NRXN3: variants seen among roughly 807,000 people sequenced by gnomAD.
NRXN3 encodes the protein neurexin 3.
In NRXN3, 32 loss-of-function variants were observed where a neutral mutation model predicts 137.6. That is an observed-to-expected ratio of 0.23 (90% CI 0.18 to 0.31). The LOEUF (loss-of-function observed/expected upper bound fraction) is 0.31. NRXN3 is among the 10% of genes least tolerant of loss of function. The pLI is 1.00. For synonymous variants in NRXN3, 798 were observed against 784.5 expected (o/e 1.02, Z -0.29); for missense variants, 1,574 against 2,062.5 (o/e 0.76, Z 4.59).
At chr14:78,469,755 T>C (rs1439842224) in intron 4 of NRXN3, among the ~76,000 whole-genome samples, 1 of 152,220 alleles carries the variant, frequency 6.6e-6, no homozygotes, top group Non-Finnish European at 1.5e-5. Flanking sequence ...GTTGTCCCAT[T>C]CAAACCGAGC....
At chr14:79,771,167 T>A (rs989950048) in intron 19 of NRXN3, among the ~76,000 whole-genome samples, 3 of 152,122 alleles carry the variant, frequency 2.0e-5, no homozygotes, top group African/African-American at 7.2e-5. Context: ...CAGGACCAGA[T>A]GGATTCACAG....
chr14:79,293,836 A>G lies in NRXN3; in HGVS notation c.3263-173385A>G, dbSNP rs537841351. Among the ~76,000 whole-genome samples the G allele has an allele frequency of 4.6e-5, 7 of 152,374 alleles. No individual in the cohort carries two copies. In the East Asian group the frequency reaches 7.7e-4, roughly 17 times the overall value. On this transcript the variant is annotated intron_variant, in intron 15 of 20. Coordinates refer to ENST00000335750, the MANE Select transcript of NRXN3 (RefSeq NM_001330195.2). Reference sequence around the variant, plus strand: ...GGGAAATTCAGCATGCTGCATTTCAATCAAACTGTTTGATGAGAGCTTTTG... The same window carrying G: ...GGGAAATTCAGCATGCTGCATTTCAGTCAAACTGTTTGATGAGAGCTTTTG...
At chr14:78,723,991 A>G (rs1467612947) in intron 8 of NRXN3, among the ~76,000 whole-genome samples, 4 of 152,238 alleles carry the variant, frequency 2.6e-5, no homozygotes, top group Non-Finnish European at 4.4e-5. Context: ...AAAGAATTGC[A>G]TTAAAATGAT....
At chr14:79,563,318 C>G (rs964878843) in intron 16 of NRXN3, among the ~76,000 whole-genome samples, 3 of 152,066 alleles carry the variant, frequency 2.0e-5, no homozygotes, top group East Asian at 3.9e-4. Flanking sequence ...ATACTTAACT[C>G]AAGCCTATTC....
At chr14:78,172,110 G>C (rs1386224266) in intron 1 of NRXN3, among the ~76,000 whole-genome samples, 2 of 152,096 alleles carry the variant, frequency 1.3e-5, no homozygotes, top group African/African-American at 2.4e-5. Flanking sequence ...GGATGGCCCT[G>C]GGAGGGAGAG....
intron 4 of NRXN3, among the ~76,000 whole-genome samples, chr14:78,592,566 G>A (rs1379153662): frequency 1.3e-5 from 2 of 152,038 alleles, no homozygotes; most frequent in African/African-American, 2.4e-5. Flanking sequence ...AGGGATGAAC[G>A]GTGAGAGAAT....
In NRXN3 at chr14:79,786,830, A is replaced by T. The variant is rs139797028; in HGVS notation, c.4015-18282A>T. On this transcript the variant is annotated intron_variant, in intron 19 of 20. Coordinates refer to ENST00000335750, the MANE Select transcript of NRXN3 (RefSeq NM_001330195.2). ...ACTCAGAGGTACTTACAAACAGCAT[A>T]ATTGCTGAAGTCATTTTACAGGGCA... Among the ~76,000 whole-genome samples the T allele has an allele frequency of 1.1e-3, 164 of 152,318 alleles. 2 individuals carry two copies. The highest frequency in any genetic ancestry group is 1.7e-3 in the African/African-American group (71 of 41,576).
intron 1 of NRXN3, among the ~76,000 whole-genome samples, chr14:78,198,547 G>A (rs1227638404): frequency 1.3e-5 from 2 of 152,228 alleles, no homozygotes; most frequent in Non-Finnish European, 2.9e-5. Context: ...TGCTGCGAAA[G>A]CAAAGTGGCA....
intron 15 of NRXN3, among the ~76,000 whole-genome samples, chr14:79,259,707 T>TACACAC (rs1491411590): frequency 1.7e-5 from 1 of 57,266 alleles, no homozygotes; most frequent in East Asian, 6.1e-4. Flanking sequence ...TATATAGTTT[T>TACACAC]ATACACACAC....
intron 15 of NRXN3, among the ~76,000 whole-genome samples, chr14:79,053,572 C>T (rs768537114): frequency 5.3e-5 from 8 of 151,922 alleles, no homozygotes; most frequent in East Asian, 3.9e-4. Context: ...AGAGAGTGTG[C>T]GTGTGTATTT....
intron 10 of NRXN3, among the ~76,000 whole-genome samples, chr14:78,849,092 A>G (rs183401697): frequency 1.3e-5 from 2 of 152,188 alleles, no homozygotes; most frequent in African/African-American, 2.4e-5. Context: ...TCACAAGGAC[A>G]TCTTAGGTAT....
chr14:79,680,394 A>G (rs2098664030), intron 17 of NRXN3, among the ~76,000 whole-genome samples: 1 of 152,046 alleles, frequency 6.6e-6, no homozygotes, highest in South Asian at 2.1e-4. Context: ...TCAAAACAAA[A>G]CAGAACAACA....
At position 79,380,744 on chromosome 14, in the gene NRXN3, A is replaced by G. The variant is rs1036308996; in HGVS notation, c.3263-86477A>G. Reference sequence around the variant, plus strand: ...GGGATGGCTGGGTCAAATGGTAACAACAGGTGCTGGAGAGGATGTGGAGAA... The same window carrying G: ...GGGATGGCTGGGTCAAATGGTAACAGCAGGTGCTGGAGAGGATGTGGAGAA... On this transcript the variant is annotated intron_variant, in intron 15 of 20. Coordinates refer to ENST00000335750, the MANE Select transcript of NRXN3 (RefSeq NM_001330195.2). Among the ~76,000 whole-genome samples, 3 of 152,116 alleles carry G rather than the reference A, an allele frequency of 2.0e-5. No individual in the cohort carries two copies. In the East Asian group the frequency reaches 5.8e-4, roughly 29 times the overall value.
At chr14:78,358,820 A>G (rs1245818966) in intron 4 of NRXN3, among the ~76,000 whole-genome samples, 1 of 152,136 alleles carries the variant, frequency 6.6e-6, no homozygotes, top group Non-Finnish European at 1.5e-5. Flanking sequence ...TGTGTCATGC[A>G]TTATTCAGAA....
intron 2 of NRXN3, among the ~76,000 whole-genome samples, chr14:78,250,570 C>T (rs977996206): frequency 6.6e-6 from 1 of 152,198 alleles, no homozygotes; most frequent in African/African-American, 2.4e-5. Flanking sequence ...GTTATGACTG[C>T]GGGATGGGAT....
intron 16 of NRXN3, among the ~76,000 whole-genome samples, chr14:79,587,327 A>G (rs1288737691): frequency 1.3e-5 from 2 of 152,196 alleles, no homozygotes; most frequent in Non-Finnish European, 2.9e-5. Context: ...CTTCTTGGAA[A>G]GATTTTATTT....
intron 4 of NRXN3, among the ~76,000 whole-genome samples, chr14:78,592,156 A>C (rs902128015): frequency 8.5e-5 from 13 of 152,198 alleles, no homozygotes; most frequent in Non-Finnish European, 1.9e-4. Context: ...TCAGCTTTGC[A>C]AAGTGGGGGC....
At chr14:78,810,500 G>T (rs190215118) in intron 10 of NRXN3, among the ~76,000 whole-genome samples, 156 bp downstream of exon 10, 2 of 151,680 alleles carry the variant, frequency 1.3e-5, no homozygotes, top group African/African-American at 4.8e-5. Flanking sequence ...TGGGGGGCTG[G>T]GTGAGGGTGA....
At chr14:79,376,218 A>G (rs1050557824) in intron 15 of NRXN3, among the ~76,000 whole-genome samples, 422 of 2,858 alleles carry the variant, frequency 0.15, 4 homozygotes, top group Admixed American at 0.25. Context: ...GTGTATGTAT[A>G]TATATATATA....
Sources: gnomAD v4.1 joint callset for allele counts (sites outside exome capture counted in the v4.1 genomes callset) on GRCh38, gnomAD v4.1.1 for gene constraint, MANE v1.5 for transcripts, NCBI Gene and HGNC (gene_info 2026-07-23, HGNC 2026-07-21) for gene names.